Variants in SPATA17 observed in about 807,000 individuals in gnomAD.
SPATA17 encodes spermatogenesis-associated protein 17.
SPATA17 carries 53 observed loss-of-function variants against 62.2 expected under a neutral mutation model. The observed-to-expected ratio is 0.85, with a 90% confidence interval of 0.68 to 1.07. SPATA17 has a LOEUF of 1.07. Ranked by LOEUF, SPATA17 falls within the 50% of genes least tolerant of loss-of-function variation. The pLI, the probability that SPATA17 is intolerant of heterozygous loss-of-function variation, is 0.00. For synonymous variants in SPATA17, 146 were observed against 146.8 expected, an observed-to-expected ratio of 0.99 and a Z score of 0.04; for missense variants, 466 against 425.5, an observed-to-expected ratio of 1.10 and a Z score of -0.84.
chr1:217,859,739 G>A (rs575485303), intron 9 of SPATA17, among the ~76,000 whole-genome samples: 6 of 152,128 alleles, frequency 3.9e-5, no homozygotes, highest in Admixed American at 6.5e-5. Context: ...CATAGGATTA[G>A]AAGTGATGGC....
At chr1:217,696,776 A>C (rs1671470844) in intron 5 of SPATA17, among the ~76,000 whole-genome samples, 1 of 152,172 alleles carries the variant, frequency 6.6e-6, no homozygotes, top group African/African-American at 2.4e-5. Flanking sequence ...ATAAATTGGC[A>C]CAGTTTTCCT....
intron 6 of SPATA17, among the ~76,000 whole-genome samples, chr1:217,767,884 A>G (rs181200775): frequency 1.1e-3 from 172 of 152,288 alleles, no homozygotes; most frequent in Non-Finnish European, 2.1e-3. Context: ...GTGTTTCCAC[A>G]GAGGCTGCAT....
intron 5 of SPATA17, among the ~76,000 whole-genome samples, chr1:217,732,637 G>C (rs1025462537): frequency 1.2e-4 from 18 of 152,032 alleles, no homozygotes; most frequent in African/African-American, 4.1e-4. Context: ...CTTTATGCAG[G>C]AAAGCCCCCA....
chr1:217,730,741 A>G (rs546767430), intron 5 of SPATA17, among the ~76,000 whole-genome samples: 29 of 151,962 alleles, frequency 1.9e-4, no homozygotes, highest in Non-Finnish European at 4.0e-4. Flanking sequence ...CTTATCTCTC[A>G]CTTCTCTTAC....
At chr1:217,789,118 A>G (rs1217926391) in intron 8 of SPATA17, among the ~76,000 whole-genome samples, 2 of 152,202 alleles carry the variant, frequency 1.3e-5, no homozygotes, top group South Asian at 2.1e-4. Context: ...TTTAACTTAT[A>G]TAGGCTTTCA....
intron 8 of SPATA17, among the ~76,000 whole-genome samples, chr1:217,784,199 G>A (rs191163511): frequency 6.6e-6 from 1 of 151,950 alleles, no homozygotes; most frequent in African/African-American, 2.4e-5. Context: ...TTATATCATT[G>A]CAGATAATAA....
intron 4 of SPATA17, among the ~76,000 whole-genome samples, chr1:217,678,418 C>G (rs1032695145): frequency 2.0e-5 from 3 of 151,788 alleles, no homozygotes; most frequent in Admixed American, 6.6e-5. Context: ...CCATGTTGGC[C>G]AGGCTGGTCT....
chr1:217,760,018 A>G (rs1673133660), intron 6 of SPATA17, among the ~76,000 whole-genome samples: 1 of 152,214 alleles, frequency 6.6e-6, no homozygotes, highest in Non-Finnish European at 1.5e-5. Flanking sequence ...TGAAAAATGG[A>G]AAAAATAAAG....
At chr1:217,649,551 C>G (rs1231710997) in intron 2 of SPATA17, among the ~76,000 whole-genome samples, 2 of 152,094 alleles carry the variant, frequency 1.3e-5, no homozygotes, top group African/African-American at 4.8e-5. Context: ...TCCAAAGGAT[C>G]TACAAATGAC....
intron 8 of SPATA17, among the ~76,000 whole-genome samples, chr1:217,791,197 A>G (rs2102982121): frequency 1.3e-5 from 2 of 152,366 alleles, no homozygotes; most frequent in Middle Eastern, 6.8e-3. Flanking sequence ...ACAAGCAGTA[A>G]TAGGAGAGGT....
chr1:217,831,093 C>T (rs1208308375), intron 9 of SPATA17, among the ~76,000 whole-genome samples: 1 of 152,076 alleles, frequency 6.6e-6, no homozygotes, highest in African/African-American at 2.4e-5. Context: ...CTTTTCCTCT[C>T]CTGTAATTCC....
intron 9 of SPATA17, among the ~76,000 whole-genome samples, chr1:217,851,215 C>A (rs981914883): frequency 1.3e-5 from 2 of 152,032 alleles, no homozygotes; most frequent in South Asian, 2.1e-4. Context: ...AACAAAAACA[C>A]TTCTATAGAG....
intron 6 of SPATA17, among the ~76,000 whole-genome samples, chr1:217,771,015 T>A: frequency 7.2e-6 from 1 of 139,080 alleles, no homozygotes; most frequent in South Asian, 2.4e-4. Context: ...TTTTGCCTTT[T>A]GACGAGTCAG....
intron 7 of SPATA17, among the ~76,000 whole-genome samples, chr1:217,775,555 T>G (rs1242398022): frequency 1.3e-5 from 2 of 151,996 alleles, no homozygotes; most frequent in African/African-American, 4.8e-5. Context: ...ATACAAAAAT[T>G]AGCTGGACAT....
At chr1:217,680,491 A>G (rs1671054827) in intron 4 of SPATA17, among the ~76,000 whole-genome samples, 1 of 152,124 alleles carries the variant, frequency 6.6e-6, no homozygotes, top group Non-Finnish European at 1.5e-5. Context: ...AATTAGGGAG[A>G]GTTTCTAAAT....
chr1:217,863,363 T>C (rs964511720), intron 10 of SPATA17, among the ~76,000 whole-genome samples: 1 of 152,094 alleles, frequency 6.6e-6, no homozygotes, highest in Non-Finnish European at 1.5e-5. Flanking sequence ...ACTCCTGGCC[T>C]CAAGTGATCT....
chr1:217,729,984 A>G (rs940152142), intron 5 of SPATA17, among the ~76,000 whole-genome samples: 1 of 152,218 alleles, frequency 6.6e-6, no homozygotes, highest in Non-Finnish European at 1.5e-5. Context: ...AATTTCAAGC[A>G]GTTTACAAAG....
At chr1:217,815,694 G>A (rs540703675) in intron 9 of SPATA17, among the ~76,000 whole-genome samples, 42 of 152,168 alleles carry the variant, frequency 2.8e-4, no homozygotes, top group African/African-American at 1.0e-3. Context: ...AATGTGGGTG[G>A]GTCTCATTCA....
chr1:217,742,108 C>T lies in SPATA17; in HGVS notation c.519+10C>T. On this transcript the variant is annotated intron_variant, in intron 6 of 10. Transcript: ENST00000366933. ...CCTCAGCACAAAGCAGGTTGGTTTA[C>T]CTGTCCCTGACAGCTCCTGTAAGCC... 1 of 1,613,868 alleles carries T rather than the reference C, an allele frequency of 6.2e-7. No homozygotes were observed. Among genetic ancestry groups the T allele is most frequent in the East Asian group, 2.2e-5 (1 of 44,880 alleles).
Sources: allele counts gnomAD v4.1 joint callset (sites outside exome capture counted in the v4.1 genomes callset), GRCh38; gene constraint gnomAD v4.1.1; transcripts MANE v1.5; gene names NCBI Gene and HGNC (gene_info 2026-07-23, HGNC 2026-07-21).